PTPRA: variants seen among roughly 807,000 people sequenced by gnomAD.
The protein encoded by PTPRA is receptor-type tyrosine-protein phosphatase alpha.
Under a neutral mutation model 104.8 loss-of-function variants are expected in PTPRA, and 25 were observed. The observed-to-expected ratio is 0.24, with a 90% CI of 0.17 to 0.33. PTPRA has a LOEUF of 0.33. Ranked by LOEUF, PTPRA falls within the 10% of genes least tolerant of loss-of-function variation. The pLI, the probability that PTPRA is intolerant of heterozygous loss-of-function variation, is 1.00. For missense variants in PTPRA, 765 were observed against 1,015.3 expected (o/e 0.75, Z 3.35); for synonymous variants, 323 against 368.9 (o/e 0.88, Z 1.43).
At chr20:2,979,179 G>C (rs1221689417) in intron 6 of PTPRA, among the ~76,000 whole-genome samples, 1 of 152,158 alleles carries the variant, frequency 6.6e-6, no homozygotes, top group African/African-American at 2.4e-5. Flanking sequence ...TCTAAGGCTG[G>C]CCTGTGGTTC....
chr20:2,872,423 T>G (rs529090945), upstream of PTPRA, among the ~76,000 whole-genome samples: 1 of 152,198 alleles, frequency 6.6e-6, no homozygotes, highest in Admixed American at 6.5e-5. This position sits in a 1 kb window ranked among gnomAD's most constrained non-coding sequence, Gnocchi z 7.9. Flanking sequence ...AGACTCTGGG[T>G]CTGGGATAAA....
At chr20:2,991,194 A>G (rs1291606597) in intron 9 of PTPRA, among the ~76,000 whole-genome samples, 2 of 152,062 alleles carry the variant, frequency 1.3e-5, no homozygotes, top group Non-Finnish European at 2.9e-5. Context: ...TCCCATCTCT[A>G]CTAAAAATAC....
intron 2 of PTPRA, among the ~76,000 whole-genome samples, chr20:2,944,039 C>CT (rs398061270): frequency 0.013 from 1,597 of 127,572 alleles, 35 homozygotes; most frequent in African/African-American, 0.036. Context: ...CTCTACTGGT[C>CT]TTTTTTTTTT....
At chr20:2,913,867 T>C (rs73575839) in intron 1 of PTPRA, among the ~76,000 whole-genome samples, 7,323 of 152,248 alleles carry the variant, frequency 0.048, 584 homozygotes, top group African/African-American at 0.17. Flanking sequence ...CATCAAACTT[T>C]CACCTTCTAG....
At chr20:2,962,180 A>C (rs1403067629) in intron 3 of PTPRA, among the ~76,000 whole-genome samples, 1 of 152,198 alleles carries the variant, frequency 6.6e-6, no homozygotes, top group Non-Finnish European at 1.5e-5. Context: ...CTTATTTGGG[A>C]ATAACTGACA....
chr20:2,894,305 CT>C (rs2058909484), intron 1 of PTPRA, among the ~76,000 whole-genome samples: 1 of 152,318 alleles, frequency 6.6e-6, no homozygotes, highest in Admixed American at 6.5e-5. Flanking sequence ...TCTTCCTTCT[CT>C]TCTCCTCCCC....
chr20:2,868,351 C>T, the PTPRA span, among the ~76,000 whole-genome samples: 36 of 131,486 alleles, frequency 2.7e-4, no homozygotes, highest in African/African-American at 3.6e-4. Flanking sequence ...GATGGGGTCT[C>T]GGGGGTCTCC....
At chr20:2,985,866 G>A (rs999440920) in intron 6 of PTPRA, among the ~76,000 whole-genome samples, 1 of 150,214 alleles carries the variant, frequency 6.7e-6, no homozygotes, top group East Asian at 2.0e-4. Flanking sequence ...GGCATGAGCC[G>A]CCACACCCAG....
intron 3 of PTPRA, among the ~76,000 whole-genome samples, 167 bp from the exon 4 acceptor site, chr20:2,964,105 A>G (rs1445820725): frequency 1.3e-5 from 2 of 152,200 alleles, no homozygotes; most frequent in African/African-American, 2.4e-5. Flanking sequence ...TAAAGACTCA[A>G]TTAGTTATTG....
chr20:3,027,414 T>TA (rs2148469153), intron 19 of PTPRA, among the ~76,000 whole-genome samples: 1 of 152,278 alleles, frequency 6.6e-6, no homozygotes, highest in East Asian at 1.9e-4. Context: ...AGTAGTATAA[T>TA]ACCTGGAAGA....
intron 1 of PTPRA, among the ~76,000 whole-genome samples, chr20:2,892,661 G>A (rs1209508888): frequency 6.6e-6 from 1 of 152,180 alleles, no homozygotes; most frequent in Admixed American, 6.5e-5. Context: ...ATTTAAGGTA[G>A]GCTAGGCTAA....
intron 1 of PTPRA, among the ~76,000 whole-genome samples, chr20:2,895,049 C>T (rs980050158): frequency 6.6e-6 from 1 of 151,332 alleles, no homozygotes; most frequent in African/African-American, 2.4e-5. Flanking sequence ...TAAACAAAAG[C>T]CTAAATAACT....
chr20:2,867,736 C>T, the PTPRA span, among the ~76,000 whole-genome samples: 1 of 152,222 alleles, frequency 6.6e-6, no homozygotes, highest in African/African-American at 2.4e-5. Context: ...AGAGGGAGTG[C>T]AGGCCTCACT....
intron 1 of PTPRA, among the ~76,000 whole-genome samples, chr20:2,913,309 C>T (rs1215745140): frequency 3.3e-5 from 5 of 151,968 alleles, no homozygotes; most frequent in Non-Finnish European, 5.9e-5. Flanking sequence ...ACCTAGGAGG[C>T]GGAGGTTGCA....
At chr20:2,959,883 G>A (rs112806736) in intron 3 of PTPRA, among the ~76,000 whole-genome samples, 8,398 of 152,150 alleles carry the variant, frequency 0.055, 743 homozygotes, top group African/African-American at 0.19. Context: ...CCTGGGAGGT[G>A]GAGGTTACAG....
chr20:2,999,294 T>A (rs896589678), intron 9 of PTPRA, among the ~76,000 whole-genome samples: 1 of 152,198 alleles, frequency 6.6e-6, no homozygotes, highest in Non-Finnish European at 1.5e-5. Flanking sequence ...CCCCAAGATA[T>A]ATAGATTCAA....
In PTPRA at chr20:2,889,416, C is replaced by G. The variant is rs116583422; in HGVS notation, c.-129+15656C>G. Among the ~76,000 whole-genome samples the G allele has an allele frequency of 5.9e-5, 9 of 152,278 alleles. No homozygotes were observed. In the South Asian group the frequency reaches 8.3e-4, roughly 14 times the overall value. On this transcript the variant is annotated intron_variant, in intron 1 of 23. Transcript: ENST00000399903. ...GACAGGTCAGAGTTACCACCTTAAA[C>G]AGAAACTTCTTAAGCTCTTGGGCAA...
At chr20:2,958,772 A>G (rs180776063) in intron 3 of PTPRA, among the ~76,000 whole-genome samples, 161 of 147,240 alleles carry the variant, frequency 1.1e-3, no homozygotes, top group African/African-American at 4.0e-3. Context: ...GCTTGAACCT[A>G]GGAGGCGGAG....
At chr20:2,881,424 A>AT (rs975555580) in intron 1 of PTPRA, among the ~76,000 whole-genome samples, 37 of 151,984 alleles carry the variant, frequency 2.4e-4, no homozygotes, top group African/African-American at 5.5e-4. Flanking sequence ...GAACCTCTAC[A>AT]TTTTTTTTGC....
Sources: gnomAD v4.1 joint callset for allele counts (sites outside exome capture counted in the v4.1 genomes callset) on GRCh38, gnomAD v4.1.1 for gene constraint, Gnocchi (gnomAD v3.1) non-coding constraint, MANE v1.5 for transcripts, NCBI Gene and HGNC (gene_info 2026-07-23, HGNC 2026-07-21) for gene names.